LIFR: variants seen among roughly 807,000 people sequenced by gnomAD.
LIFR encodes leukemia inhibitory factor receptor.
A neutral mutation model predicts 122.2 loss-of-function variants in LIFR; 84 were observed. The ratio of observed to expected loss-of-function variants is 0.69; its 90% CI spans 0.58 to 0.82. The LOEUF is 0.82. Among genes scored for constraint, LIFR ranks in the 40% least tolerant of loss-of-function variants. The pLI, the probability that LIFR is intolerant of heterozygous loss-of-function variation, is 0.00. For synonymous variants in LIFR, 422 were observed against 434.7 expected, an observed-to-expected ratio of 0.97 and a Z score of 0.36; for missense variants, 1,294 against 1,311.6, an observed-to-expected ratio of 0.99 and a Z score of 0.21.
chr5:38,598,038 T>C (rs1282819177), upstream of LIFR, among the ~76,000 whole-genome samples: 2 of 151,478 alleles, frequency 1.3e-5, no homozygotes, highest in Non-Finnish European at 2.9e-5. Flanking sequence ...AAAAAAAAGG[T>C]TGAGAAACAC....
intron 1 of LIFR, among the ~76,000 whole-genome samples, chr5:38,594,554 G>T (rs1161876685): frequency 1.3e-5 from 2 of 152,108 alleles, no homozygotes; most frequent in African/African-American, 2.4e-5. Context: ...GGGTGGACAG[G>T]GTGGGCAGGG....
chr5:38,499,566 C>T lies in LIFR; in HGVS notation c.1618G>A (p.Asp540Asn), dbSNP rs775074091. The T allele has an allele frequency of 2.5e-6, 4 of 1,607,994 alleles. No homozygotes were observed. Among genetic ancestry groups the T allele is most frequent in the Admixed American group, 1.7e-5 (1 of 60,010 alleles). Residue 540 changes from aspartate (D) to asparagine (N), a missense_variant, in exon 12 of 20, where the codon GAT becomes AAT. Transcript: ENST00000453190. ...TCAGAACTCCACTCTCTCCAAGTAT[C>T]AGGCCCCTTTGAAGGACCTAAAAAG... Reference protein sequence around the residue: ...TTEASPSKGPDTWREWSSDGK... With the variant: ...TTEASPSKGPNTWREWSSDGK...
At position 38,530,598 on chromosome 5, in the gene LIFR, T is replaced by C; in HGVS notation, c.50A>G (p.Asn17Ser). 1.2e-6 allele frequency: 2 copies of C among 1,612,576 alleles called. No homozygotes were observed. The highest frequency in any genetic ancestry group is 8.5e-7 in the Non-Finnish European group (1 of 1,178,570). Reference sequence around the variant, plus strand: ...ATTTGAAGCAGTCCTCATTCTTTTATTGTCCACCATCCAGGATGGTCGTTT... The same window carrying C: ...ATTTGAAGCAGTCCTCATTCTTTTACTGTCCACCATCCAGGATGGTCGTTT... Reference protein sequence around the residue: ...CLKRPSWMVDNKRMRTASNFQ... With the variant: ...CLKRPSWMVDSKRMRTASNFQ... Residue 17 changes from asparagine (N) to serine (S), a missense_variant, in exon 2 of 20, where the codon AAT becomes AGT. Physicochemically the swap from Asn to Ser is conservative, Grantham distance 46 (BLOSUM62 1). Transcript: ENST00000453190.
intron 11 of LIFR, among the ~76,000 whole-genome samples, chr5:38,501,285 T>C (rs554535796): frequency 2.0e-5 from 3 of 152,046 alleles, no homozygotes; most frequent in Non-Finnish European, 4.4e-5. Context: ...TTCTTACACA[T>C]GTCGCAAAAT....
At chr5:38,588,450 C>T (rs1488607772) in intron 1 of LIFR, among the ~76,000 whole-genome samples, 1 of 152,108 alleles carries the variant, frequency 6.6e-6, no homozygotes, top group Non-Finnish European at 1.5e-5. Context: ...CTTTTATTGA[C>T]CTCATTGTTA....
chr5:38,525,002 G>A (rs1746601876), intron 4 of LIFR, among the ~76,000 whole-genome samples: 1 of 152,174 alleles, frequency 6.6e-6, no homozygotes, highest in Admixed American at 6.5e-5. Flanking sequence ...AAGAAGTTTA[G>A]GAGAACAGTG....
rs778828615 is a variant in LIFR, at chr5:38,489,187, T to C, written c.2226A>G (p.Val742=). The C allele has an allele frequency of 6.2e-7, 1 of 1,613,038 alleles. No individual in the cohort carries two copies. The highest frequency in any genetic ancestry group is 1.3e-5 in the African/African-American group (1 of 74,914). ...VEDTSADSIL[V]KWEDIPVEEL... ...CTTCCACAGGAATGTCTTCCCATTT[T>C]ACTAATATCGAATCTGCAGAAGTAT... Residue 742 remains valine (V), a synonymous_variant, in exon 16 of 20, where the codon GTA becomes GTG. Transcript: ENST00000453190.
intron 1 of LIFR, among the ~76,000 whole-genome samples, chr5:38,569,699 T>C (rs1749147585): frequency 6.6e-6 from 1 of 152,218 alleles, no homozygotes; most frequent in South Asian, 2.1e-4. Context: ...TCTTACAATC[T>C]GGGCAGACAA....
chr5:38,520,062 G>T (rs1746318391), intron 5 of LIFR, among the ~76,000 whole-genome samples: 1 of 152,158 alleles, frequency 6.6e-6, no homozygotes, highest in Non-Finnish European at 1.5e-5. Context: ...TTCCATAGTA[G>T]TTGTACTAAT....
chr5:38,580,781 G>A (rs1346793420), intron 1 of LIFR, among the ~76,000 whole-genome samples: 3 of 152,048 alleles, frequency 2.0e-5, no homozygotes, highest in African/African-American at 4.8e-5. Flanking sequence ...GGCATTATCT[G>A]TGGCTCCTCC....
chr5:38,593,997 C>T (rs962765263), intron 1 of LIFR, among the ~76,000 whole-genome samples: 3 of 151,914 alleles, frequency 2.0e-5, no homozygotes, highest in Non-Finnish European at 4.4e-5. Context: ...GAAACGTTTA[C>T]CAGGAAAAGT....
chr5:38,557,988 C>T (rs115248736), upstream of LIFR: 135 of 152,262 alleles, frequency 8.9e-4, 1 homozygote, highest in African/African-American at 3.0e-3. Flanking sequence ...GGAAATTTAT[C>T]ATTATTCATA....
chr5:38,596,826 G>A (rs6863336), upstream of LIFR, among the ~76,000 whole-genome samples: 5,754 of 152,056 alleles, frequency 0.038, 383 homozygotes, highest in African/African-American at 0.13. Flanking sequence ...CATTTTTGGC[G>A]GTGACCTGTT....
chr5:38,502,848 A>T, intron 10 of LIFR, 49 bp from the exon 11 acceptor site: 22 of 1,053,644 alleles, frequency 2.1e-5, no homozygotes, highest in African/African-American at 3.2e-5. Flanking sequence ...TATGTGTATG[A>T]ATACATATAT....
At chr5:38,494,270 C>T (rs1213105365) in intron 13 of LIFR, among the ~76,000 whole-genome samples, 1 of 152,100 alleles carries the variant, frequency 6.6e-6, no homozygotes, top group Non-Finnish European at 1.5e-5. Flanking sequence ...AGAACTAGCC[C>T]CCTCTTTCTT....
chr5:38,564,735 TACACACACACAC>T (rs3047301), intron 1 of LIFR, among the ~76,000 whole-genome samples: 81 of 137,492 alleles, frequency 5.9e-4, no homozygotes, highest in East Asian at 1.9e-3. Flanking sequence ...ACACACACAC[TACACACACACAC>T]ACACACACAC....
At chr5:38,560,172 CAA>C (rs530359232), upstream of LIFR, among the ~76,000 whole-genome samples, 1 of 135,178 alleles carries the variant, frequency 7.4e-6, no homozygotes. Flanking sequence ...ATTTTGGAAG[CAA>C]AAAAAAAAAC....
intron 5 of LIFR, among the ~76,000 whole-genome samples, chr5:38,517,034 A>C (rs139597837): frequency 0.018 from 2,704 of 152,044 alleles, 69 homozygotes; most frequent in African/African-American, 0.061. Context: ...AGGGAGGGGG[A>C]CATCACACAT....
chr5:38,493,851 A>C lies in LIFR; in HGVS notation c.1886-66T>G, dbSNP rs1012091519. 1.5e-5 allele frequency: 20 copies of C among 1,327,348 alleles called. No individual in the cohort carries two copies. In the African/African-American group the frequency reaches 2.6e-4, roughly 17 times the overall value. 82.2% of individuals were successfully genotyped at this position (1,327,348 alleles called of 1,614,324 possible). ...AATAATATAAGGCAAATCTCATAAA[A>C]ATGGACATGAGTTAGAAAAATCACT... On this transcript the variant is annotated intron_variant, in intron 13 of 19. Transcript: ENST00000453190.
Sources: allele counts gnomAD v4.1 joint callset (sites outside exome capture counted in the v4.1 genomes callset), GRCh38; gene constraint gnomAD v4.1.1; transcripts MANE v1.5; gene names NCBI Gene and HGNC (gene_info 2026-07-23, HGNC 2026-07-21).